The following GALNT17 variants were observed in gnomAD, a reference collection of about 807,000 sequenced individuals.
The protein encoded by GALNT17 is polypeptide N-acetylgalactosaminyltransferase 17.
In GALNT17, 29 loss-of-function variants were observed where a neutral mutation model predicts 63.7. That is an observed-to-expected ratio of 0.46 (90% CI 0.34 to 0.62). GALNT17 has a LOEUF of 0.62. Ranked by LOEUF, GALNT17 falls within the 20% of genes least tolerant of loss-of-function variation. The pLI is 0.01. For synonymous variants in GALNT17, 305 were observed against 318.3 expected (o/e 0.96, Z 0.45); for missense variants, 603 against 799.6 (o/e 0.75, Z 2.97).
chr7:71,411,683 A>G lies in GALNT17; in HGVS notation c.590-4206A>G, dbSNP rs541284699. ...GTCCCACTCATCCAGTTCTCCTTGT[A>G]TTGACCCTGCCCCTGCAGGAGACAG... On this transcript the variant is annotated intron_variant, in intron 3 of 10. Transcript: ENST00000333538. Among the ~76,000 whole-genome samples, 162 of 152,130 alleles carry G rather than the reference A, an allele frequency of 1.1e-3. No homozygotes were observed. In the Middle Eastern group the frequency reaches 0.017, roughly 16 times the overall value.
At chr7:71,148,469 A>C (rs1157986045) in intron 1 of GALNT17, among the ~76,000 whole-genome samples, 1 of 152,184 alleles carries the variant, frequency 6.6e-6, no homozygotes, top group African/African-American at 2.4e-5. Context: ...CTTCAAGAGA[A>C]TAGTTGCTTT....
At chr7:71,343,889 T>C (rs1411326963) in intron 2 of GALNT17, among the ~76,000 whole-genome samples, 1 of 152,184 alleles carries the variant, frequency 6.6e-6, no homozygotes, top group African/African-American at 2.4e-5. Context: ...GCTTATTTTC[T>C]CTGTGGTGTT....
intron 6 of GALNT17, among the ~76,000 whole-genome samples, chr7:71,642,132 T>C (rs1275016653): frequency 6.6e-6 from 1 of 152,018 alleles, no homozygotes; most frequent in African/African-American, 2.4e-5. Flanking sequence ...CCAGAAAGGG[T>C]ACCATCATTC....
At chr7:71,572,523 A>C (rs1789464153) in intron 6 of GALNT17, among the ~76,000 whole-genome samples, 1 of 149,930 alleles carries the variant, frequency 6.7e-6, no homozygotes, top group Admixed American at 6.7e-5. Flanking sequence ...AAAAAAAAAA[A>C]AAAAAAACTA....
At chr7:71,710,685 A>G in intron 9 of GALNT17, 76 bp from the exon 10 acceptor site, 1 of 1,538,910 alleles carries the variant, frequency 6.5e-7, no homozygotes, top group Non-Finnish European at 8.9e-7. Flanking sequence ...AAGCCGAGAG[A>G]CCTGAGCCCT....
Position 71,388,349 on chromosome 7 carries a change from G to T in GALNT17, c.537G>T (p.Thr179=), listed in dbSNP as rs373283698. The T allele has an allele frequency of 6.2e-7, 1 of 1,613,894 alleles. No homozygotes were observed. The highest frequency in any genetic ancestry group is 2.2e-5 in the East Asian group (1 of 44,852). The change falls in exon 3 of 11, where the codon ACG becomes ACT. Residue 179 remains threonine (T), a synonymous_variant. Coordinates refer to ENST00000333538, the MANE Select transcript of GALNT17 (RefSeq NM_022479.3). ...CCGTGCACAGTGCCGTCAATCACAC[G>T]CCCACACACCTGCTGAAGGAAATCA... ...LRSVHSAVNH[T]PTHLLKEIIL...
At chr7:71,210,885 C>T (rs1029739201) in intron 1 of GALNT17, among the ~76,000 whole-genome samples, 1 of 152,126 alleles carries the variant, frequency 6.6e-6, no homozygotes, top group Non-Finnish European at 1.5e-5. Flanking sequence ...CTCTTATTGT[C>T]ACTATTTTTT....
At chr7:71,463,609 A>G (rs1262244739) in intron 5 of GALNT17, among the ~76,000 whole-genome samples, 1 of 152,200 alleles carries the variant, frequency 6.6e-6, no homozygotes, top group Non-Finnish European at 1.5e-5. Context: ...GAATATAGTT[A>G]TAGTTATTTC....
Position 71,139,649 on chromosome 7 carries a change from A to T in GALNT17, c.238+6609A>T, listed in dbSNP as rs192980158. Among the ~76,000 whole-genome samples, 41 of 152,200 alleles carry T rather than the reference A, an allele frequency of 2.7e-4. No individual in the cohort carries two copies. In the East Asian group the frequency reaches 4.1e-3, roughly 15 times the overall value. The stretch of plus-strand genomic sequence containing the variant: ...CTAGGCAAGGAGAGTGATTTGGCAC[A>T]GAGAGAGGAAGAGATTTGCTCTCAC... On this transcript the variant is annotated intron_variant, in intron 1 of 10. Coordinates refer to ENST00000333538, the MANE Select transcript of GALNT17 (RefSeq NM_022479.3).
intron 2 of GALNT17, among the ~76,000 whole-genome samples, chr7:71,379,011 A>G (rs909630458): frequency 5.3e-5 from 8 of 152,052 alleles, no homozygotes; most frequent in African/African-American, 1.7e-4. Context: ...CTAAAAAAGA[A>G]AAAAAGAAGA....
intron 2 of GALNT17, among the ~76,000 whole-genome samples, chr7:71,379,524 A>G (rs1338152403): frequency 1.3e-5 from 2 of 152,144 alleles, no homozygotes; most frequent in Non-Finnish European, 2.9e-5. Flanking sequence ...GGAGGTAACC[A>G]GTGAGGACTG....
chr7:71,449,108 C>CTTATTTTTTTTTTTTTTTT (rs1787211166), intron 5 of GALNT17, among the ~76,000 whole-genome samples: 1 of 72,754 alleles, frequency 1.4e-5, no homozygotes, highest in Non-Finnish European at 2.3e-5. Context: ...TGCCTATTTT[C>CTTATTTTTTTTTTTTTTTT]TTTTTTTTTT....
intron 1 of GALNT17, among the ~76,000 whole-genome samples, chr7:71,273,765 C>G (rs962974543): frequency 2.0e-5 from 3 of 151,954 alleles, no homozygotes; most frequent in African/African-American, 7.3e-5. Context: ...TTTGATCAGC[C>G]ATGAAAAGTT....
In GALNT17 at chr7:71,713,049, C is replaced by G. The variant is rs1791818609; in HGVS notation, c.*903C>G. The G allele has an allele frequency of 6.5e-6, 1 of 152,730 alleles. No homozygotes were observed. The highest frequency in any genetic ancestry group is 2.4e-5 in the African/African-American group (1 of 41,470). The allele number at this position is 152,730 out of a possible 1,614,324, so 9.5% of individuals were successfully genotyped here. Reference sequence around the variant, plus strand: ...AAGATGCTTTTGGCTCACCTCATTTCACCCCACGCTCTGCTGGCTGGCAGA... The same window carrying G: ...AAGATGCTTTTGGCTCACCTCATTTGACCCCACGCTCTGCTGGCTGGCAGA... On this transcript the variant is annotated 3_prime_UTR_variant, in exon 11 of 11. Coordinates refer to ENST00000333538, the MANE Select transcript of GALNT17 (RefSeq NM_022479.3).
intron 1 of GALNT17, among the ~76,000 whole-genome samples, chr7:71,262,722 C>G (rs567908507): frequency 8.1e-5 from 12 of 147,788 alleles, no homozygotes; most frequent in African/African-American, 3.0e-4. Flanking sequence ...GCTCTGTCAC[C>G]CAGGCTGGAG....
intron 9 of GALNT17, among the ~76,000 whole-genome samples, chr7:71,678,731 C>T (rs1192927127): frequency 6.6e-6 from 1 of 151,254 alleles, no homozygotes; most frequent in Non-Finnish European, 1.5e-5. Context: ...GGAGGTGGAG[C>T]TTGCAGTGAG....
chr7:71,650,755 A>G (rs1323800866), intron 6 of GALNT17, among the ~76,000 whole-genome samples: 1 of 152,188 alleles, frequency 6.6e-6, no homozygotes, highest in African/African-American at 2.4e-5. Context: ...GAGGACATGC[A>G]TGGATAAGGG....
At chr7:71,501,588 T>C (rs895733730) in intron 5 of GALNT17, among the ~76,000 whole-genome samples, 11 of 152,134 alleles carry the variant, frequency 7.2e-5, no homozygotes, top group Admixed American at 6.5e-4. Context: ...TTTTGTTGTA[T>C]ACAAATGGCA....
chr7:71,167,966 G>A (rs1788473285), intron 1 of GALNT17, among the ~76,000 whole-genome samples: 1 of 152,234 alleles, frequency 6.6e-6, no homozygotes, highest in East Asian at 1.9e-4. Flanking sequence ...CACCTCACCC[G>A]GCTTCCTTTT....
Sources: allele counts gnomAD v4.1 joint callset (sites outside exome capture counted in the v4.1 genomes callset), GRCh38; gene constraint gnomAD v4.1.1; transcripts MANE v1.5; gene names NCBI Gene and HGNC (gene_info 2026-07-23, HGNC 2026-07-21).